FOXK1: variants seen among roughly 807,000 people sequenced by gnomAD.
The protein encoded by FOXK1 is forkhead box K1.
A neutral mutation model predicts 51.9 loss-of-function variants in FOXK1; 19 were observed. That is an observed-to-expected ratio of 0.37 (90% CI 0.26 to 0.54). FOXK1 has a LOEUF of 0.54. Among genes scored for constraint, FOXK1 ranks in the 20% least tolerant of loss-of-function variants. The probability of loss-of-function intolerance (pLI) is 0.87; values close to 1 mark genes in which losing one functional copy is unlikely to be tolerated. For missense variants in FOXK1, 870 were observed against 1,032.7 expected, an observed-to-expected ratio of 0.84 and a Z score of 2.16; for synonymous variants, 537 against 482.6, an observed-to-expected ratio of 1.11 and a Z score of -1.48.
At chr7:4,689,964 TC>T (rs1238439921) in intron 1 of FOXK1, among the ~76,000 whole-genome samples, 2 of 152,158 alleles carry the variant, frequency 1.3e-5, no homozygotes, top group Non-Finnish European at 2.9e-5. Flanking sequence ...GGGTGTCAGA[TC>T]AGTCTCTTTC....
Position 4,706,497 on chromosome 7 carries a change from C to A in FOXK1, c.560+23629C>A, listed in dbSNP as rs549914637. Among the ~76,000 whole-genome samples the A allele has an allele frequency of 3.9e-5, 6 of 152,178 alleles. No homozygotes were observed. In the East Asian group the frequency reaches 9.7e-4, roughly 25 times the overall value. On this transcript the variant is annotated intron_variant, in intron 1 of 8. Coordinates refer to ENST00000328914, the MANE Select transcript of FOXK1 (RefSeq NM_001037165.2). ...CTGTGGATGCTGACAGTTGGGGGCC[C>A]ATCGGAGACAGTCCCAAGCAGCATG...
In FOXK1 at chr7:4,682,774, C is replaced by G; in HGVS notation, c.466C>G (p.Pro156Ala). The stretch of plus-strand genomic sequence containing the variant: ...CCACCTGCAGCTCAGCTTCCAGGAG[C>G]CGCACTTCTACCTGCGCTGCCTCGG... ...RRHLQLSFQE[P>A]HFYLRCLGKN... Residue 156 changes from proline (P) to alanine (A), a missense_variant, in exon 1 of 9, where the codon CCG (proline) becomes GCG (alanine). Transcript: ENST00000328914. This position sits in a 1 kb window ranked among gnomAD's most constrained non-coding sequence, Gnocchi z 7.6. The G allele has an allele frequency of 1.3e-6, 2 of 1,595,252 alleles. No homozygotes were observed. Among genetic ancestry groups the G allele is most frequent in the Non-Finnish European group, 1.7e-6 (2 of 1,176,428 alleles).
At chr7:4,710,531 C>T (rs954833819) in intron 1 of FOXK1, among the ~76,000 whole-genome samples, 5 of 152,168 alleles carry the variant, frequency 3.3e-5, no homozygotes, top group South Asian at 2.1e-4. Context: ...GCCTCAATCG[C>T]GCCACTGCAC....
chr7:4,701,241 G>A (rs1304363693), intron 1 of FOXK1, among the ~76,000 whole-genome samples: 1 of 152,140 alleles, frequency 6.6e-6, no homozygotes, highest in Non-Finnish European at 1.5e-5. Flanking sequence ...TAGAGAATGG[G>A]AGCTCAAAGG....
At position 4,763,872 on chromosome 7, in the gene FOXK1, C is replaced by T. The variant is rs1049205643; in HGVS notation, c.*1408C>T. 4.6e-5 allele frequency: 7 copies of T among 152,402 alleles called. No individual in the cohort carries two copies. The highest frequency in any genetic ancestry group is 2.1e-4 in the South Asian group (1 of 4,820). 9.4% of individuals were successfully genotyped at this position (152,402 alleles called of 1,614,324 possible). A position where few individuals can be genotyped will look rare whatever the true frequency, so the allele number is the denominator to read the frequency against. On this transcript the variant is annotated 3_prime_UTR_variant, in exon 9 of 9. Transcript: ENST00000328914. ...AAGGTCAGCTGTCAGTTTTGCTGGC[C>T]GCTCCGGCGCTGGCTCTCCTGTCCG...
rs1027113901 is a variant in FOXK1 at position 4,711,950 on chromosome 7, G to T, written c.561-28888G>T. Among the ~76,000 whole-genome samples, 32 of 152,286 alleles carry T rather than the reference G, an allele frequency of 2.1e-4. No homozygotes were observed. The highest frequency in any genetic ancestry group is 1.9e-3 in the Admixed American group (29 of 15,296). On this transcript the variant is annotated intron_variant, in intron 1 of 8. Transcript: ENST00000328914. The surrounding 1 kb of genome is among the most constrained non-coding windows in gnomAD (Gnocchi z 6.3). ...CAGGGACTCCGGGGGAGGGGCAGAG[G>T]GCAGGTGCCGCCGAGCAGGAGGGAG... is the stretch of plus-strand genomic sequence containing the variant.
intron 1 of FOXK1, among the ~76,000 whole-genome samples, chr7:4,724,519 G>C (rs1253815875): frequency 6.6e-6 from 1 of 152,182 alleles, no homozygotes. Context: ...TTCTTTGGTT[G>C]GGGAGCTCTG....
At chr7:4,695,923 C>A (rs1445927756) in intron 1 of FOXK1, among the ~76,000 whole-genome samples, 1 of 141,624 alleles carries the variant, frequency 7.1e-6, no homozygotes, top group African/African-American at 2.7e-5. Context: ...GCAACAAGAG[C>A]GAAACTCCGT....
chr7:4,728,737 A>AGG (rs2115053226), intron 1 of FOXK1, among the ~76,000 whole-genome samples: 1 of 144,888 alleles, frequency 6.9e-6, no homozygotes, highest in Admixed American at 6.8e-5. Flanking sequence ...TTTGAAAAAA[A>AGG]AAAAAAAAAA....
chr7:4,732,661 C>T (rs572148987), intron 1 of FOXK1, among the ~76,000 whole-genome samples: 2 of 152,302 alleles, frequency 1.3e-5, no homozygotes, highest in African/African-American at 4.8e-5. Context: ...AGGCTTCAAA[C>T]AGAAGTCCTC....
chr7:4,689,246 G>A (rs970078306), intron 1 of FOXK1, among the ~76,000 whole-genome samples: 4 of 152,098 alleles, frequency 2.6e-5, no homozygotes, highest in Non-Finnish European at 4.4e-5. Flanking sequence ...CCAGAGTGCC[G>A]GGATTGCAGA....
At chr7:4,713,691 T>C (rs985071486) in intron 1 of FOXK1, among the ~76,000 whole-genome samples, 12 of 151,796 alleles carry the variant, frequency 7.9e-5, no homozygotes, top group African/African-American at 2.9e-4. Flanking sequence ...AGGGTTTCAC[T>C]GTGTTGGTCA....
chr7:4,756,048 T>G lies in FOXK1; in HGVS notation c.1050+665T>G, dbSNP rs1475750319. ...CTTTGTCCACACCAGCCATGACTGA[T>G]GCATGTTGCATTTGCCTGTATTTTC... On this transcript the variant is annotated intron_variant, in intron 4 of 8. Coordinates refer to ENST00000328914, the MANE Select transcript of FOXK1 (RefSeq NM_001037165.2). This position sits in a 1 kb window ranked among gnomAD's most constrained non-coding sequence, Gnocchi z 4.1. Among the ~76,000 whole-genome samples, 4 of 152,230 alleles carry G rather than the reference T, an allele frequency of 2.6e-5. No individual in the cohort carries two copies. The highest frequency in any genetic ancestry group is 5.9e-5 in the Non-Finnish European group (4 of 68,054).
chr7:4,767,301 G>A lies in FOXK1; in HGVS notation c.*4837G>A, dbSNP rs1290976436. 6 of 152,206 alleles carry A rather than the reference G, an allele frequency of 3.9e-5. No individual in the cohort carries two copies. Among genetic ancestry groups the A allele is most frequent in the Non-Finnish European group, 7.3e-5 (5 of 68,050 alleles). 9.4% of individuals were successfully genotyped at this position (152,206 alleles called of 1,614,324 possible). A position where few individuals can be genotyped will look rare whatever the true frequency, so the allele number is the denominator to read the frequency against. ...CTGGAGTAAGTTACGAAACATGATC[G>A]TCAGGCTCTTTGCAAACGCAGAGCC... On this transcript the variant is annotated 3_prime_UTR_variant, in exon 9 of 9. Coordinates refer to ENST00000328914, the MANE Select transcript of FOXK1 (RefSeq NM_001037165.2). This position sits in a 1 kb window ranked among gnomAD's most constrained non-coding sequence, Gnocchi z 6.6.
chr7:4,742,717 C>T (rs1016954730), intron 2 of FOXK1, among the ~76,000 whole-genome samples: 4 of 152,306 alleles, frequency 2.6e-5, no homozygotes, highest in South Asian at 4.1e-4. Flanking sequence ...ACACCCAGCC[C>T]GTACATGGCC....
chr7:4,721,281 A>C (rs563781874), intron 1 of FOXK1, among the ~76,000 whole-genome samples: 1 of 152,098 alleles, frequency 6.6e-6, no homozygotes, highest in South Asian at 2.1e-4. Context: ...GGGCCTTGGA[A>C]ACCCCCCGGA....
rs1780041261 is a variant in FOXK1 at position 4,703,165 on chromosome 7, G to A, written c.560+20297G>A. 6.6e-6 allele frequency among the ~76,000 whole-genome samples: 1 copy of A among 152,148 alleles called. No homozygotes were observed. Among genetic ancestry groups the A allele is most frequent in the Admixed American group, 6.5e-5 (1 of 15,282 alleles). On this transcript the variant is annotated intron_variant, in intron 1 of 8. Transcript: ENST00000328914. This position sits in a 1 kb window ranked among gnomAD's most constrained non-coding sequence, Gnocchi z 5.6. The stretch of plus-strand genomic sequence containing the variant: ...GCTCTCTCAGGGGATTCCAGGGCAG[G>A]CGGCTGGGAGGGCGTTTCTGAGGAA...
At chr7:4,739,611 G>C (rs965075686) in intron 1 of FOXK1, among the ~76,000 whole-genome samples, 1 of 152,196 alleles carries the variant, frequency 6.6e-6, no homozygotes, top group African/African-American at 2.4e-5. Flanking sequence ...GGCTGGCTTT[G>C]TTTGCACTTG....
intron 2 of FOXK1, among the ~76,000 whole-genome samples, chr7:4,744,431 T>C (rs1780675200): frequency 6.6e-6 from 1 of 152,170 alleles, no homozygotes; most frequent in Non-Finnish European, 1.5e-5. Flanking sequence ...GGAGTCCCAG[T>C]TTCTCATTGT....
Sources: allele counts gnomAD v4.1 joint callset (sites outside exome capture counted in the v4.1 genomes callset), GRCh38; gene constraint gnomAD v4.1.1; non-coding constraint Gnocchi (gnomAD v3.1); transcripts MANE v1.5; gene names NCBI Gene and HGNC (gene_info 2026-07-23, HGNC 2026-07-21).